Variants in RBFOX1 observed in about 807,000 individuals in gnomAD.
The protein encoded by RBFOX1 is RNA binding protein fox-1 homolog 1.
RBFOX1 carries 8 observed loss-of-function variants against 57.7 expected under a neutral mutation model. The observed-to-expected ratio is 0.14, with a 90% confidence interval of 0.08 to 0.25. RBFOX1 has a LOEUF of 0.25. RBFOX1 is among the 10% of genes least tolerant of loss of function. The pLI is 1.00. For synonymous variants in RBFOX1, 326 were observed against 222.4 expected (o/e 1.47, Z -4.15); for missense variants, 611 against 548.5 (o/e 1.11, Z -1.14).
intron 3 of RBFOX1, among the ~76,000 whole-genome samples, chr16:6,927,517 T>C (rs925559435): frequency 4.0e-5 from 6 of 151,030 alleles, no homozygotes; most frequent in Non-Finnish European, 8.9e-5. Flanking sequence ...GGAAGCTCCA[T>C]GTGAGCAGAT....
At chr16:6,990,852 G>T (rs2091304589) in intron 3 of RBFOX1, among the ~76,000 whole-genome samples, 1 of 152,048 alleles carries the variant, frequency 6.6e-6, no homozygotes, top group African/African-American at 2.4e-5. Flanking sequence ...ACCATGCTAT[G>T]TCTAGTTGCT....
At chr16:5,647,194 C>G (rs2049082673) in intron 3 of RBFOX1, among the ~76,000 whole-genome samples, 1 of 152,180 alleles carries the variant, frequency 6.6e-6, no homozygotes, top group African/African-American at 2.4e-5. Flanking sequence ...CACCGTTTCA[C>G]TGAATATGAA....
intron 1 of RBFOX1, among the ~76,000 whole-genome samples, chr16:6,161,162 G>A (rs2152744753): frequency 6.6e-6 from 1 of 152,268 alleles, no homozygotes; most frequent in Middle Eastern, 3.4e-3. Flanking sequence ...GCCGAGGCGG[G>A]CAGATCACTT....
At chr16:6,105,088 GT>G (rs1349675440) in intron 1 of RBFOX1, among the ~76,000 whole-genome samples, 1 of 152,146 alleles carries the variant, frequency 6.6e-6, no homozygotes, top group Non-Finnish European at 1.5e-5. Context: ...GAAGGAGATG[GT>G]GACTTTGCCA....
intron 3 of RBFOX1, among the ~76,000 whole-genome samples, chr16:6,851,904 A>G (rs1426774634): frequency 6.7e-6 from 1 of 149,386 alleles, no homozygotes; most frequent in African/African-American, 2.5e-5. Flanking sequence ...GTTGGAGAGT[A>G]CGGTGTATTA....
At chr16:6,990,000 T>G (rs2091148159) in intron 3 of RBFOX1, among the ~76,000 whole-genome samples, 1 of 152,108 alleles carries the variant, frequency 6.6e-6, no homozygotes, top group South Asian at 2.1e-4. Flanking sequence ...AGACTCTGTT[T>G]CACACAAAAA....
chr16:5,729,624 G>C (rs924903925), intron 3 of RBFOX1, among the ~76,000 whole-genome samples: 1 of 152,000 alleles, frequency 6.6e-6, no homozygotes, highest in African/African-American at 2.4e-5. Flanking sequence ...AAGCTCACCT[G>C]TATCTCTTCC....
In RBFOX1 at chr16:6,533,071, C is replaced by G. The variant is rs940985820; in HGVS notation, c.-63-121532C>G. Among the ~76,000 whole-genome samples the G allele has an allele frequency of 2.0e-5, 3 of 152,196 alleles. No homozygotes were observed. In the South Asian group the frequency reaches 6.2e-4, roughly 31 times the overall value. On this transcript the variant is annotated intron_variant, in intron 2 of 15. Coordinates refer to ENST00000550418, the MANE Select transcript of RBFOX1 (RefSeq NM_018723.4). ...CACATGCTCTGTGTTGCAAAGCACA[C>G]TTGGCATAGCCAGGAGCATCCTAGG... is the stretch of plus-strand genomic sequence containing the variant.
At chr16:6,347,978 G>A (rs2085663304) in intron 2 of RBFOX1, among the ~76,000 whole-genome samples, 1 of 152,210 alleles carries the variant, frequency 6.6e-6, no homozygotes, top group Admixed American at 6.5e-5. Flanking sequence ...AAGAAAGCAG[G>A]AAAACAGGCC....
intron 1 of RBFOX1, among the ~76,000 whole-genome samples, chr16:5,255,652 C>T (rs1395207761): frequency 6.6e-6 from 1 of 151,592 alleles, no homozygotes; most frequent in Non-Finnish European, 1.5e-5. Flanking sequence ...ACTCAACCAT[C>T]CATTCATTCG....
intron 4 of RBFOX1, among the ~76,000 whole-genome samples, chr16:7,498,967 A>T (rs1236899820): frequency 6.6e-6 from 1 of 152,222 alleles, no homozygotes; most frequent in Non-Finnish European, 1.5e-5. Context: ...TAATTGTTGC[A>T]TTTCTATCAC....
At chr16:6,267,072 A>T (rs953069389) in intron 1 of RBFOX1, among the ~76,000 whole-genome samples, 2 of 152,192 alleles carry the variant, frequency 1.3e-5, no homozygotes, top group African/African-American at 4.8e-5. Context: ...CTCTATGGAA[A>T]CATGGTGGTG....
intron 4 of RBFOX1, among the ~76,000 whole-genome samples, chr16:7,264,307 CA>C (rs2095045628): frequency 6.6e-6 from 1 of 152,152 alleles, no homozygotes; most frequent in Non-Finnish European, 1.5e-5. Flanking sequence ...GGCACTAAAG[CA>C]AAAACAAATG....
chr16:7,070,641 T>C, intron 4 of RBFOX1, among the ~76,000 whole-genome samples: 1 of 152,226 alleles, frequency 6.6e-6, no homozygotes, highest in East Asian at 1.9e-4. Context: ...TCCTAAATGT[T>C]CTAATGCAGA....
intron 2 of RBFOX1, among the ~76,000 whole-genome samples, chr16:6,382,446 G>C: frequency 6.6e-6 from 1 of 152,222 alleles, no homozygotes; most frequent in African/African-American, 2.4e-5. Flanking sequence ...TTTGGTATCG[G>C]TAGGTCTTCA....
chr16:6,054,737 C>T (rs1435990582), intron 1 of RBFOX1, among the ~76,000 whole-genome samples: 1 of 152,180 alleles, frequency 6.6e-6, no homozygotes, highest in African/African-American at 2.4e-5. Context: ...CACATCTTCA[C>T]ATAAGATTCA....
intron 2 of RBFOX1, among the ~76,000 whole-genome samples, chr16:6,650,155 G>C (rs762660648): frequency 2.6e-5 from 4 of 152,162 alleles, no homozygotes; most frequent in African/African-American, 4.8e-5. Context: ...ACCGTTTTTT[G>C]TAATAACTGT....
intron 4 of RBFOX1, among the ~76,000 whole-genome samples, chr16:5,908,491 T>A (rs1022929334): frequency 6.6e-6 from 1 of 151,866 alleles, no homozygotes. Flanking sequence ...TAGCAGGGAT[T>A]ACAGGTGCCT....
intron 1 of RBFOX1, among the ~76,000 whole-genome samples, chr16:6,168,620 C>A (rs1482798851): frequency 6.6e-6 from 1 of 152,100 alleles, no homozygotes; most frequent in African/African-American, 2.4e-5. Context: ...GAAGTAAGAT[C>A]GCTGCTAAGA....
Sources: allele counts gnomAD v4.1 joint callset (sites outside exome capture counted in the v4.1 genomes callset), GRCh38; gene constraint gnomAD v4.1.1; transcripts MANE v1.5; gene names NCBI Gene and HGNC (gene_info 2026-07-23, HGNC 2026-07-21).